Variants in RNF214 observed in about 807,000 individuals in gnomAD.
RNF214 encodes ring finger protein 214.
In RNF214, 25 loss-of-function variants were observed where a neutral mutation model predicts 75.9. The observed-to-expected ratio is 0.33, with a 90% CI of 0.24 to 0.46. RNF214 has a LOEUF of 0.46. Among genes scored for constraint, RNF214 ranks in the 20% least tolerant of loss-of-function variants. The pLI is 1.00. For missense variants in RNF214, 725 were observed against 857.5 expected (o/e 0.85, Z 1.93); for synonymous variants, 314 against 308.8 (o/e 1.02, Z -0.18).
intron 4 of RNF214, among the ~76,000 whole-genome samples, chr11:117,242,200 A>C (rs1353415413): frequency 6.6e-6 from 1 of 152,208 alleles, no homozygotes; most frequent in Admixed American, 6.5e-5. Flanking sequence ...CACTTTTTAA[A>C]GGGAAGGTAA....
chr11:117,284,936 AG>A (rs1198303916), intron 14 of RNF214, 149 bp from the exon 15 acceptor site: 7 of 603,276 alleles, frequency 1.2e-5, no homozygotes, highest in African/African-American at 1.9e-5. Context: ...TCTCAAAAAA[AG>A]AAAAAAGAAC....
chr11:117,260,357 G>A (rs2033626880), intron 6 of RNF214, among the ~76,000 whole-genome samples: 2 of 152,218 alleles, frequency 1.3e-5, no homozygotes, highest in East Asian at 3.8e-4. Context: ...TAGATATCCA[G>A]TTGTTCCAGC....
rs2033496494 is a variant in RNF214 at position 117,255,445 on chromosome 11, T to C, written c.959+8497T>C. Among the ~76,000 whole-genome samples, 3 of 152,208 alleles carry C rather than the reference T, an allele frequency of 2.0e-5. No homozygotes were observed. In the South Asian group the frequency reaches 6.2e-4, roughly 31 times the overall value. ...ATCACATGCACTTTACTATGTCTTG[T>C]AGGTGCCCTTATTTTTGTTCTTTTT... On this transcript the variant is annotated intron_variant, in intron 6 of 14. Coordinates refer to ENST00000300650, the MANE Select transcript of RNF214 (RefSeq NM_207343.4).
At chr11:117,252,875 A>G (rs2033435805) in intron 6 of RNF214, among the ~76,000 whole-genome samples, 5 of 152,086 alleles carry the variant, frequency 3.3e-5, no homozygotes, top group Admixed American at 3.3e-4. Context: ...TAATTATTTG[A>G]TAAGTGTTTA....
At chr11:117,238,205 G>A (rs542175404) in intron 2 of RNF214, among the ~76,000 whole-genome samples, 1 of 152,262 alleles carries the variant, frequency 6.6e-6, no homozygotes, top group East Asian at 1.9e-4. Context: ...GAGTACAGGA[G>A]TTCGAGACCA....
intron 9 of RNF214, 96 bp downstream of exon 9, chr11:117,281,500 C>T: frequency 1.5e-6 from 2 of 1,367,544 alleles, no homozygotes; most frequent in Non-Finnish European, 2.1e-6. Flanking sequence ...CATTTGGGGC[C>T]TATCCTACTA....
chr11:117,235,489 C>A (rs1319224028), intron 2 of RNF214, among the ~76,000 whole-genome samples: 4 of 148,848 alleles, frequency 2.7e-5, no homozygotes, highest in Non-Finnish European at 5.9e-5. Context: ...AGTCACCACG[C>A]CCAGCCTTTT....
rs373374181 is a variant in RNF214 at position 117,251,530 on chromosome 11, AC to A, written c.959+4589del. ...GGGCGGCTGGCCGGGCGGGGGGCTGACCCCCCCACCTCCCTCCCGGACGGGG... is the reference window on the plus strand; with the variant it reads ...GGGCGGCTGGCCGGGCGGGGGGCTGACCCCCCACCTCCCTCCCGGACGGGG... On this transcript the variant is annotated intron_variant, in intron 6 of 14. Transcript: ENST00000300650. Among the ~76,000 whole-genome samples the A allele has an allele frequency of 1.6e-3, 100 of 63,290 alleles. 7 individuals carry two copies. Among genetic ancestry groups the A allele is most frequent in the East Asian group, 0.012 (6 of 520 alleles). The allele number at this position is 63,290 out of a possible 152,430, so 41.5% of individuals were successfully genotyped here.
intron 6 of RNF214, among the ~76,000 whole-genome samples, chr11:117,255,562 A>G (rs1387466598): frequency 6.6e-6 from 1 of 151,706 alleles, no homozygotes; most frequent in Non-Finnish European, 1.5e-5. Context: ...TCTGTTGCCC[A>G]GGCTGGTCTT....
rs1181889704 is a variant in RNF214, at chr11:117,259,386, A to G, written c.959+12438A>G. Among the ~76,000 whole-genome samples, 9 of 152,360 alleles carry G rather than the reference A, an allele frequency of 5.9e-5. No homozygotes were observed. In the East Asian group the frequency reaches 1.7e-3, roughly 29 times the overall value. ...AAGCTGCTATGAACACTCAAGTGCA[A>G]GTCATAAAGACTTCAAACATATTCT... is the stretch of plus-strand genomic sequence containing the variant. On this transcript the variant is annotated intron_variant, in intron 6 of 14. Coordinates refer to ENST00000300650, the MANE Select transcript of RNF214 (RefSeq NM_207343.4).
At chr11:117,263,093 C>T (rs2033705918) in intron 6 of RNF214, among the ~76,000 whole-genome samples, 1 of 152,036 alleles carries the variant, frequency 6.6e-6, no homozygotes, top group Middle Eastern at 3.4e-3. Context: ...AGGCGTGAGC[C>T]ACTACGCCCA....
intron 2 of RNF214, among the ~76,000 whole-genome samples, chr11:117,235,966 C>CT (rs1361383720): frequency 1.3e-4 from 19 of 151,602 alleles, no homozygotes; most frequent in African/African-American, 4.6e-4. Context: ...TTCCTCAACT[C>CT]TGTTTTTTTT....
intron 6 of RNF214, among the ~76,000 whole-genome samples, chr11:117,248,415 T>C: frequency 6.6e-6 from 1 of 152,230 alleles, no homozygotes; most frequent in Non-Finnish European, 1.5e-5. Flanking sequence ...TTGGAAATCA[T>C]AATAGCTGTG....
chr11:117,242,352 C>T (rs554411007), intron 4 of RNF214, among the ~76,000 whole-genome samples: 4 of 151,968 alleles, frequency 2.6e-5, no homozygotes, highest in Admixed American at 6.6e-5. Flanking sequence ...GAAGGGCATA[C>T]GGAAAAAAGT....
intron 6 of RNF214, among the ~76,000 whole-genome samples, chr11:117,262,247 C>T (rs1202477965): frequency 7.3e-5 from 11 of 151,668 alleles, no homozygotes; most frequent in African/African-American, 2.2e-4. Flanking sequence ...CCACCACGCC[C>T]GGCTAATTTT....
At chr11:117,266,383 A>G (rs1176486372) in intron 6 of RNF214, among the ~76,000 whole-genome samples, 2 of 152,040 alleles carry the variant, frequency 1.3e-5, no homozygotes, top group African/African-American at 4.8e-5. Flanking sequence ...AATTTGAGAC[A>G]GGGTCTCACT....
intron 3 of RNF214, chr11:117,239,352 C>T (rs780301031): frequency 1.3e-5 from 7 of 542,482 alleles, no homozygotes; most frequent in South Asian, 4.7e-5. Flanking sequence ...TTATGACCTA[C>T]GTGTAGTCTC....
chr11:117,274,271 A>G lies in RNF214; in HGVS notation c.960-5637A>G, dbSNP rs572845927. Among the ~76,000 whole-genome samples, 4 of 150,694 alleles carry G rather than the reference A, an allele frequency of 2.7e-5. No homozygotes were observed. In the South Asian group the frequency reaches 8.5e-4, roughly 32 times the overall value. ...TGGTGGGTAACTCAAAGGAGTAGTT[A>G]GTTAGAATTTGGGGCCAATATGCTA... On this transcript the variant is annotated intron_variant, in intron 6 of 14. Transcript: ENST00000300650.
intron 2 of RNF214, among the ~76,000 whole-genome samples, chr11:117,236,914 G>A (rs1358963561): frequency 3.3e-5 from 5 of 152,162 alleles, no homozygotes; most frequent in African/African-American, 9.7e-5. Flanking sequence ...CTTGTTAGGT[G>A]GATAGTATTA....
Sources: allele counts gnomAD v4.1 joint callset (sites outside exome capture counted in the v4.1 genomes callset), GRCh38; gene constraint gnomAD v4.1.1; transcripts MANE v1.5; gene names NCBI Gene and HGNC (gene_info 2026-07-23, HGNC 2026-07-21).